The following BAIAP2L1 variants were observed in gnomAD, a reference collection of about 807,000 sequenced individuals.
BAIAP2L1 encodes BAR/IMD domain-containing adapter protein 2-like 1.
A neutral mutation model predicts 66.3 loss-of-function variants in BAIAP2L1; 35 were observed. The ratio of observed to expected loss-of-function variants is 0.53; its 90% CI spans 0.40 to 0.70. The LOEUF (loss-of-function observed/expected upper bound fraction) is 0.70, where lower values mean the gene tolerates loss of function less well. Among genes scored for constraint, BAIAP2L1 ranks in the 30% least tolerant of loss-of-function variants. BAIAP2L1 has a pLI of 0.00. For missense variants in BAIAP2L1, 622 were observed against 656.9 expected, an observed-to-expected ratio of 0.95 and a Z score of 0.58; for synonymous variants, 269 against 248.7, an observed-to-expected ratio of 1.08 and a Z score of -0.77.
chr7:98,375,756 AAAAAAAG>A (rs1436326307), intron 1 of BAIAP2L1, among the ~76,000 whole-genome samples: 1 of 151,404 alleles, frequency 6.6e-6, no homozygotes, highest in Non-Finnish European at 1.5e-5. Context: ...AAAAAAAAAA[AAAAAAAG>A]AAAAGAAAAA....
intron 3 of BAIAP2L1, among the ~76,000 whole-genome samples, chr7:98,332,179 T>G (rs1168122638): frequency 6.6e-6 from 1 of 150,566 alleles, no homozygotes; most frequent in Non-Finnish European, 1.5e-5. Flanking sequence ...GGCCAGGAGT[T>G]AGAGACCAGC....
In BAIAP2L1 at chr7:98,370,514, T is replaced by C. The variant is rs183921564; in HGVS notation, c.52-8082A>G. Among the ~76,000 whole-genome samples the C allele has an allele frequency of 1.8e-3, 267 of 151,286 alleles. 1 individual carries two copies. The highest frequency in any genetic ancestry group is 6.1e-3 in the African/African-American group (253 of 41,280). On this transcript the variant is annotated intron_variant, in intron 1 of 13. Transcript: ENST00000005260. Reference sequence around the variant, plus strand: ...AATGTTCCCTCCCAGAAATTTTGGCTTTTTTTTTGAGACAGAGTCTCGCAC... The same window carrying C: ...AATGTTCCCTCCCAGAAATTTTGGCCTTTTTTTTGAGACAGAGTCTCGCAC...
At chr7:98,310,850 T>C (rs1030589796) in intron 8 of BAIAP2L1, among the ~76,000 whole-genome samples, 1 of 152,052 alleles carries the variant, frequency 6.6e-6, no homozygotes, top group African/African-American at 2.4e-5. Context: ...CACATCTGGC[T>C]ATTTTTTGTA....
At chr7:98,395,453 A>T (rs1803181568) in intron 1 of BAIAP2L1, among the ~76,000 whole-genome samples, 2 of 149,254 alleles carry the variant, frequency 1.3e-5, no homozygotes, top group South Asian at 2.1e-4. Context: ...AAAAAAAAAA[A>T]GTTAGGAGAG....
chr7:98,314,260 G>A (rs1800990335), intron 7 of BAIAP2L1, among the ~76,000 whole-genome samples: 2 of 152,128 alleles, frequency 1.3e-5, no homozygotes, highest in Admixed American at 6.6e-5. Flanking sequence ...TGGGATTACA[G>A]GCGTGAGCCA....
At chr7:98,361,606 C>G (rs977580496) in intron 2 of BAIAP2L1, among the ~76,000 whole-genome samples, 3 of 152,034 alleles carry the variant, frequency 2.0e-5, no homozygotes, top group Non-Finnish European at 4.4e-5. Context: ...ATCACTGATG[C>G]ATTTTAATCA....
intron 1 of BAIAP2L1, among the ~76,000 whole-genome samples, chr7:98,363,739 C>T (rs750087562): frequency 6.6e-6 from 1 of 152,066 alleles, no homozygotes; most frequent in Admixed American, 6.6e-5. Flanking sequence ...TCTCACCGAC[C>T]CCTTCCCCAA....
At chr7:98,324,972 GA>G (rs1482965628) in intron 3 of BAIAP2L1, among the ~76,000 whole-genome samples, 1 of 152,236 alleles carries the variant, frequency 6.6e-6, no homozygotes, top group African/African-American at 2.4e-5. Flanking sequence ...AGCAACGCCT[GA>G]GTCACGCACT....
At chr7:98,374,917 C>G (rs1802584638) in intron 1 of BAIAP2L1, among the ~76,000 whole-genome samples, 1 of 151,984 alleles carries the variant, frequency 6.6e-6, no homozygotes, top group African/African-American at 2.4e-5. Flanking sequence ...AAAACCCTGT[C>G]TCTACCAAAA....
At chr7:98,306,866 C>A in intron 10 of BAIAP2L1, 1 of 250,332 alleles carries the variant, frequency 4.0e-6, no homozygotes, top group Non-Finnish European at 7.8e-6. Flanking sequence ...ACCACCATGC[C>A]TAGCTAAAAA....
chr7:98,334,528 A>G lies in BAIAP2L1; in HGVS notation c.215-14230T>C, dbSNP rs534198743. 8.7e-4 allele frequency among the ~76,000 whole-genome samples: 133 copies of G among 152,162 alleles called. 1 individual carries two copies. The highest frequency in any genetic ancestry group is 3.4e-3 in the Middle Eastern group (1 of 292). Reference sequence around the variant, plus strand: ...CCAGAATCTGCAGCCTGGCACACAAAATAACGAGGCTCATTAAGGGGTTTT... The same window carrying G: ...CCAGAATCTGCAGCCTGGCACACAAGATAACGAGGCTCATTAAGGGGTTTT... On this transcript the variant is annotated intron_variant, in intron 3 of 13. Transcript: ENST00000005260.
At chr7:98,395,151 T>G (rs749694273) in intron 1 of BAIAP2L1, among the ~76,000 whole-genome samples, 13 of 149,088 alleles carry the variant, frequency 8.7e-5, no homozygotes, top group Non-Finnish European at 1.9e-4. Context: ...AGAAAGAAAA[T>G]AATCCCAGCC....
At position 98,293,383 on chromosome 7, in the gene BAIAP2L1, T is replaced by C; in HGVS notation, c.*138A>G. 1 of 761,698 alleles carries C rather than the reference T, an allele frequency of 1.3e-6. No homozygotes were observed. The highest frequency in any genetic ancestry group is 2.2e-6 in the Non-Finnish European group (1 of 456,676). The allele number at this position is 761,698 out of a possible 1,614,324, so 47.2% of individuals were successfully genotyped here. ...CCCAACTACGTGAAACAGAGAAGCA[T>C]GATTTGCTTAAGCAGGCGACATTAG... On this transcript the variant is annotated 3_prime_UTR_variant, in exon 14 of 14. Coordinates refer to ENST00000005260, the MANE Select transcript of BAIAP2L1 (RefSeq NM_018842.5).
chr7:98,355,084 T>A lies in BAIAP2L1; in HGVS notation c.172A>T (p.Ile58Phe), dbSNP rs1562782151. 1 of 1,614,038 alleles carries A rather than the reference T, an allele frequency of 6.2e-7. No individual in the cohort carries two copies. The highest frequency in any genetic ancestry group is 1.1e-5 in the South Asian group (1 of 91,076). Reference protein sequence around the residue: ...GKAYYDGVAKIGEIATGSPVS... With the variant: ...GKAYYDGVAKFGEIATGSPVS... ...GGGGACCCAGTGGCAATCTCACCGATCTTGGCCACTCCATCGTAGTAGGCT... is the reference window on the plus strand; with the variant it reads ...GGGGACCCAGTGGCAATCTCACCGAACTTGGCCACTCCATCGTAGTAGGCT... Residue 58 changes from isoleucine (I) to phenylalanine (F), a missense_variant, in exon 3 of 14, where the codon ATC becomes TTC. Transcript: ENST00000005260.
intron 3 of BAIAP2L1, among the ~76,000 whole-genome samples, chr7:98,334,825 C>T (rs1270506879): frequency 1.4e-5 from 2 of 147,854 alleles, no homozygotes; most frequent in Non-Finnish European, 3.0e-5. Flanking sequence ...GGATTACAGG[C>T]GTGAGCCACC....
At chr7:98,327,377 TA>T (rs1261345107) in intron 3 of BAIAP2L1, among the ~76,000 whole-genome samples, 1 of 144,288 alleles carries the variant, frequency 6.9e-6, no homozygotes, top group African/African-American at 2.6e-5. Flanking sequence ...AATAAATAAA[TA>T]AATAAATAAA....
At chr7:98,330,412 C>A (rs75776496) in intron 3 of BAIAP2L1, among the ~76,000 whole-genome samples, 1 of 152,114 alleles carries the variant, frequency 6.6e-6, no homozygotes, top group African/African-American at 2.4e-5. Context: ...AATGCCAGCA[C>A]TTTGGGAGAC....
rs558788348 is a variant in BAIAP2L1, at chr7:98,312,826, C to T, written c.640-562G>A. On this transcript the variant is annotated intron_variant, in intron 7 of 13. Transcript: ENST00000005260. Reference sequence around the variant, plus strand: ...GCCAAACAAGGTTTTGCAGAGCAGACCTGACCAGCAGGGGTGAGAACCCGC... The same window carrying T: ...GCCAAACAAGGTTTTGCAGAGCAGATCTGACCAGCAGGGGTGAGAACCCGC... Among the ~76,000 whole-genome samples, 9 of 152,296 alleles carry T rather than the reference C, an allele frequency of 5.9e-5. No homozygotes were observed. The South Asian group carries it at 1.9e-3, about 32-fold the overall frequency.
chr7:98,298,066 G>A (rs879740093), intron 12 of BAIAP2L1, among the ~76,000 whole-genome samples: 12 of 152,020 alleles, frequency 7.9e-5, no homozygotes, highest in Non-Finnish European at 1.5e-4. Context: ...TCTTATCATT[G>A]TTAATAAAAA....
Sources: allele counts gnomAD v4.1 joint callset (sites outside exome capture counted in the v4.1 genomes callset), GRCh38; gene constraint gnomAD v4.1.1; transcripts MANE v1.5; gene names NCBI Gene and HGNC (gene_info 2026-07-23, HGNC 2026-07-21).